Variants in EHMT1 observed in about 807,000 individuals in gnomAD.
EHMT1 encodes euchromatic histone lysine methyltransferase 1.
Under a neutral mutation model 147.2 loss-of-function variants are expected in EHMT1, and 15 were observed. The ratio of observed to expected loss-of-function variants is 0.10; its 90% CI spans 0.07 to 0.16. The LOEUF is 0.16. Among genes scored for constraint, EHMT1 ranks in the 10% least tolerant of loss-of-function variants. The pLI is 1.00. For missense variants in EHMT1, 1,587 were observed against 1,772.4 expected (o/e 0.90, Z 1.88); for synonymous variants, 795 against 709.6 (o/e 1.12, Z -1.91).
At chr9:137,687,301 C>A (rs1287451073) in intron 1 of EHMT1, among the ~76,000 whole-genome samples, 1 of 152,144 alleles carries the variant, frequency 6.6e-6, no homozygotes, top group Non-Finnish European at 1.5e-5. Flanking sequence ...CTCTCTTGAC[C>A]CTCTGAATTT....
intron 16 of EHMT1, among the ~76,000 whole-genome samples, chr9:137,793,230 A>G (rs1952657067): frequency 6.6e-6 from 1 of 152,256 alleles, no homozygotes; most frequent in Admixed American, 6.5e-5. Flanking sequence ...GAGGTTGTAC[A>G]TCTCAACAAC....
At chr9:137,697,953 C>T (rs192641368) in intron 1 of EHMT1, among the ~76,000 whole-genome samples, 208 of 147,204 alleles carry the variant, frequency 1.4e-3, no homozygotes, top group African/African-American at 5.2e-3. Context: ...GTGAGGGCGG[C>T]GTGGCTCGCG....
chr9:137,805,748 C>T (rs1188823045), intron 18 of EHMT1, among the ~76,000 whole-genome samples: 3 of 151,998 alleles, frequency 2.0e-5, no homozygotes, highest in Admixed American at 6.6e-5. Context: ...CTGTAACCTC[C>T]GCCTCCCGGG....
At chr9:137,645,671 C>T (rs900329215) in intron 1 of EHMT1, among the ~76,000 whole-genome samples, 2 of 152,136 alleles carry the variant, frequency 1.3e-5, no homozygotes, top group Admixed American at 6.6e-5. Flanking sequence ...CTTTTTCACT[C>T]GATTCCAAAT....
chr9:137,657,359 G>T (rs1325234833), intron 1 of EHMT1, among the ~76,000 whole-genome samples: 1 of 152,164 alleles, frequency 6.6e-6, no homozygotes, highest in African/African-American at 2.4e-5. Context: ...TCTCGTGGCA[G>T]TGTTGAGAGT....
chr9:137,681,618 A>G (rs904412136), intron 1 of EHMT1, among the ~76,000 whole-genome samples: 1 of 152,096 alleles, frequency 6.6e-6, no homozygotes, highest in Non-Finnish European at 1.5e-5. Context: ...TGATACCTTC[A>G]CAGGCTTCCC....
chr9:137,664,358 C>T (rs1939407430), intron 1 of EHMT1, among the ~76,000 whole-genome samples: 1 of 148,644 alleles, frequency 6.7e-6, no homozygotes, highest in South Asian at 2.1e-4. Context: ...GTGGTGTGAT[C>T]TCTGCTCACT....
chr9:137,834,522 C>G lies in EHMT1; in HGVS notation c.3714C>G (p.Leu1238=), dbSNP rs756105431. The G allele has an allele frequency of 6.2e-7, 1 of 1,610,238 alleles. No individual in the cohort carries two copies. The highest frequency in any genetic ancestry group is 1.1e-5 in the South Asian group (1 of 91,052). ...STRLIEAGEQ[L]GFDYGERFWD... Reference sequence around the variant, plus strand: ...GCCTGATCGAGGCCGGCGAGCAGCTCGGGTACGCACCGCCCCGGCCCCTGG... The same window carrying G: ...GCCTGATCGAGGCCGGCGAGCAGCTGGGGTACGCACCGCCCCGGCCCCTGG... The change falls in exon 26 of 27, where the codon CTC becomes CTG. Residue 1238 remains leucine, a splice_region_variant and synonymous_variant. Coordinates refer to ENST00000460843, the MANE Select transcript of EHMT1 (RefSeq NM_024757.5).
chr9:137,741,547 G>A (rs1334117907), intron 4 of EHMT1, among the ~76,000 whole-genome samples: 6 of 152,204 alleles, frequency 3.9e-5, no homozygotes, highest in African/African-American at 2.4e-5. Flanking sequence ...TGCCATGTCC[G>A]ATTTATGATA....
intron 1 of EHMT1, among the ~76,000 whole-genome samples, chr9:137,627,725 A>G (rs1179665301): frequency 6.8e-6 from 1 of 147,824 alleles, no homozygotes; most frequent in Admixed American, 6.7e-5. Flanking sequence ...TTTGAGACAG[A>G]GTCTTGGTCT....
At chr9:137,748,462 C>T (rs922146608) in intron 6 of EHMT1, among the ~76,000 whole-genome samples, 1 of 152,106 alleles carries the variant, frequency 6.6e-6, no homozygotes, top group Non-Finnish European at 1.5e-5. Context: ...GAGGTTGCTG[C>T]CAGCACCCTC....
chr9:137,729,443 C>T (rs549796169), intron 4 of EHMT1, among the ~76,000 whole-genome samples: 2 of 152,004 alleles, frequency 1.3e-5, no homozygotes, highest in African/African-American at 2.4e-5. Context: ...AAAAATTAGC[C>T]GGGCATGGTG....
At chr9:137,728,113 C>T (rs773932243) in intron 3 of EHMT1, among the ~76,000 whole-genome samples, 1 of 152,230 alleles carries the variant, frequency 6.6e-6, no homozygotes, top group African/African-American at 2.4e-5. Context: ...CCTGTAAATG[C>T]TGTTCTTAGC....
intron 25 of EHMT1, among the ~76,000 whole-genome samples, chr9:137,818,587 G>A (rs1244719123): frequency 2.7e-5 from 3 of 110,300 alleles, no homozygotes; most frequent in Non-Finnish European, 5.1e-5. Flanking sequence ...TAGAGAGGCC[G>A]ATTGAGGGGC....
chr9:137,665,545 C>T lies in EHMT1; in HGVS notation c.22-45422C>T, dbSNP rs76590221. Among the ~76,000 whole-genome samples, 257 of 152,288 alleles carry T rather than the reference C, an allele frequency of 1.7e-3. 10 individuals carry two copies. The East Asian group carries it at 0.043, about 26-fold the overall frequency. The stretch of plus-strand genomic sequence containing the variant: ...CCTACCCACTGTCATGTTGTGGGCT[C>T]TTGGCCCCAGAGGTAAAATGTCTCT... On this transcript the variant is annotated intron_variant, in intron 1 of 26. Transcript: ENST00000460843.
intron 1 of EHMT1, chr9:137,641,574 A>G (rs796390315): frequency 6.8e-6 from 2 of 292,680 alleles, no homozygotes; most frequent in African/African-American, 2.3e-5. Context: ...GAATTTGTCT[A>G]TGTTCGCTCT....
intron 25 of EHMT1, chr9:137,820,005 C>T (rs947557655): frequency 6.6e-6 from 1 of 152,106 alleles, no homozygotes; most frequent in Non-Finnish European, 1.5e-5. Flanking sequence ...AACTCCAAGC[C>T]AGTGGGGAAA....
At position 137,740,629 on chromosome 9, in the gene EHMT1, A is replaced by AT. The variant is rs1947973938; in HGVS notation, c.824-2740dup. On this transcript the variant is annotated intron_variant, in intron 4 of 26. Transcript: ENST00000460843. ...TCAAACACTTTCAGGTCCTTAATAG[A>AT]TTCTACATTTCTGAAAGTCATCCAT... is the stretch of plus-strand genomic sequence containing the variant. Among the ~76,000 whole-genome samples, 6 of 152,046 alleles carry AT rather than the reference A, an allele frequency of 3.9e-5. No homozygotes were observed. In the South Asian group the frequency reaches 1.2e-3, roughly 32 times the overall value.
At chr9:137,753,364 G>A (rs1949127480) in intron 7 of EHMT1, among the ~76,000 whole-genome samples, 1 of 152,218 alleles carries the variant, frequency 6.6e-6, no homozygotes, top group African/African-American at 2.4e-5. Flanking sequence ...ATTTCCAGCA[G>A]CAGCAGCTTT....
Sources: allele counts gnomAD v4.1 joint callset (sites outside exome capture counted in the v4.1 genomes callset), GRCh38; gene constraint gnomAD v4.1.1; transcripts MANE v1.5; gene names NCBI Gene and HGNC (gene_info 2026-07-23, HGNC 2026-07-21).